Variants in SOS1 observed in about 807,000 individuals in gnomAD.
SOS1 encodes SOS Ras/Rac guanine nucleotide exchange factor 1.
A neutral mutation model predicts 157.6 loss-of-function variants in SOS1; 25 were observed. The ratio of observed to expected loss-of-function variants is 0.16; its 90% CI spans 0.12 to 0.22. The LOEUF (loss-of-function observed/expected upper bound fraction) is 0.22. Among genes scored for constraint, SOS1 ranks in the 10% least tolerant of loss-of-function variants. SOS1 has a pLI of 1.00. For synonymous variants in SOS1, 528 were observed against 534.0 expected (o/e 0.99, Z 0.16); for missense variants, 1,237 against 1,599.1 (o/e 0.77, Z 3.86).
At chr2:39,057,834 C>T (rs1682534766) in intron 3 of SOS1, among the ~76,000 whole-genome samples, 1 of 152,026 alleles carries the variant, frequency 6.6e-6, no homozygotes, top group Admixed American at 6.5e-5. Context: ...CAACCTTAAA[C>T]TCATTCAAGT....
rs1243379753 is a variant in SOS1, at chr2:39,120,685, G to A, written c.-263C>T. On this transcript the variant is annotated 5_prime_UTR_variant, in exon 1 of 23. Transcript: ENST00000402219. ...CGGCATCCCGCACCACCGCCCCGGGGCCAGGCCCCCCGCCCCTCCCCGGCC... is the reference window on the plus strand; with the variant it reads ...CGGCATCCCGCACCACCGCCCCGGGACCAGGCCCCCCGCCCCTCCCCGGCC... 6.8e-6 allele frequency among the ~76,000 whole-genome samples: 1 copy of A among 146,716 alleles called. No individual in the cohort carries two copies. The highest frequency in any genetic ancestry group is 6.8e-5 in the Admixed American group (1 of 14,782).
rs1488212383 is a variant in SOS1 at position 39,108,838 on chromosome 2, A to T, written c.87+11498T>A. Among the ~76,000 whole-genome samples, 3 of 151,966 alleles carry T rather than the reference A, an allele frequency of 2.0e-5. No homozygotes were observed. In the East Asian group the frequency reaches 5.8e-4, roughly 29 times the overall value. Reference sequence around the variant, plus strand: ...AGCCTAGAGGTTCAAGGTTACAGTGAGCTATGATTATGCCACTGCACCCCA... The same window carrying T: ...AGCCTAGAGGTTCAAGGTTACAGTGTGCTATGATTATGCCACTGCACCCCA... On this transcript the variant is annotated intron_variant, in intron 1 of 22. Coordinates refer to ENST00000402219, the MANE Select transcript of SOS1 (RefSeq NM_005633.4).
At chr2:39,058,253 C>G (rs953362720) in intron 3 of SOS1, among the ~76,000 whole-genome samples, 1 of 151,968 alleles carries the variant, frequency 6.6e-6, no homozygotes, top group Non-Finnish European at 1.5e-5. Context: ...TTTAGGTTAT[C>G]TTTTTGTTCC....
Position 39,107,625 on chromosome 2 carries a change from CAATGACA to C in SOS1, c.87+12704_87+12710del, listed in dbSNP as rs1221727088. On this transcript the variant is annotated intron_variant, in intron 1 of 22. Transcript: ENST00000402219. ...GCTTCTAAGAGGTCCTGGACTAATA[CAATGACA>C]AAGGCTCCCCTTGAAGCATCACACT... is the stretch of plus-strand genomic sequence containing the variant. 5.6e-5 allele frequency among the ~76,000 whole-genome samples: 7 copies of C among 125,876 alleles called. No homozygotes were observed. In the East Asian group the frequency reaches 1.6e-3, roughly 30 times the overall value. 82.6% of individuals were successfully genotyped at this position (125,876 alleles called of 152,430 possible). A position where few individuals can be genotyped will look rare whatever the true frequency, so the allele number is the denominator to read the frequency against.
At position 39,028,778 on chromosome 2, in the gene SOS1, T is replaced by G. The variant is rs533841407; in HGVS notation, c.1075-4641A>C. ...TTGTCTAACATTTGGGATATAAAAA[T>G]AAAGATCTCCATTTATTTTAAATAT... On this transcript the variant is annotated intron_variant, in intron 8 of 22. Transcript: ENST00000402219. Among the ~76,000 whole-genome samples, 6 of 152,274 alleles carry G rather than the reference T, an allele frequency of 3.9e-5. 1 individual carries two copies. The highest frequency in any genetic ancestry group is 3.9e-4 in the Admixed American group (6 of 15,298).
At chr2:39,061,403 G>T (rs1484224209) in intron 2 of SOS1, among the ~76,000 whole-genome samples, 1 of 151,796 alleles carries the variant, frequency 6.6e-6, no homozygotes, top group Admixed American at 6.6e-5. Flanking sequence ...TTTATTTTGG[G>T]GGGGAACAGG....
intron 20 of SOS1, among the ~76,000 whole-genome samples, chr2:38,990,816 A>T (rs1558457647): frequency 2.0e-5 from 3 of 152,206 alleles, no homozygotes; most frequent in African/African-American, 7.2e-5. Context: ...TTGGGGCACT[A>T]GTTGTCTTAT....
intron 1 of SOS1, among the ~76,000 whole-genome samples, chr2:39,113,911 A>C: frequency 6.6e-6 from 1 of 152,280 alleles, no homozygotes; most frequent in East Asian, 1.9e-4. Flanking sequence ...AAATAATCTG[A>C]GCAAAAAGGT....
chr2:38,995,182 G>T lies in SOS1; in HGVS notation c.3287C>A (p.Ser1096Tyr). 1 of 1,613,790 alleles carries T rather than the reference G, an allele frequency of 6.2e-7. No homozygotes were observed. Among genetic ancestry groups the T allele is most frequent in the Non-Finnish European group, 8.5e-7 (1 of 1,179,728 alleles). The change falls in exon 20 of 23, where the codon TCC becomes TAC. Residue 1096 changes from serine (S) to tyrosine (Y), a missense_variant. By Grantham distance (144) the Ser-to-Tyr change is moderately radical. Transcript: ENST00000402219. ...TACACTGCAAACATCTGTGGTACTG[G>T]AAGCACCAGAAGCAGGCGGAGGTGT... Reference protein sequence around the residue: ...PLTPPPASGASSTTDVCSVFD... With the variant: ...PLTPPPASGAYSTTDVCSVFD...
At chr2:39,083,059 G>A (rs1272066449) in intron 1 of SOS1, among the ~76,000 whole-genome samples, 2 of 152,128 alleles carry the variant, frequency 1.3e-5, no homozygotes, top group Non-Finnish European at 2.9e-5. Context: ...ATTGGTTTTT[G>A]TTTATATAAA....
chr2:39,086,365 G>C (rs547186701), intron 1 of SOS1, among the ~76,000 whole-genome samples: 2 of 152,258 alleles, frequency 1.3e-5, no homozygotes, highest in African/African-American at 4.8e-5. Context: ...GCATATACTA[G>C]GATAAGGAAT....
Position 38,984,068 on chromosome 2 carries a change from C to G in SOS1, c.*1756G>C, listed in dbSNP as rs962963730. The G allele has an allele frequency of 6.6e-6, 1 of 152,048 alleles. No homozygotes were observed. The highest frequency in any genetic ancestry group is 2.4e-5 in the African/African-American group (1 of 41,426). 9.4% of individuals were successfully genotyped at this position (152,048 alleles called of 1,614,324 possible). A position where few individuals can be genotyped will look rare whatever the true frequency, so the allele number is the denominator to read the frequency against. ...GTACTATCGTGATGTACATTTTATG[C>G]TCTAATAAATATCATAGGAAATTAT... is the stretch of plus-strand genomic sequence containing the variant. On this transcript the variant is annotated 3_prime_UTR_variant, in exon 23 of 23. Coordinates refer to ENST00000402219, the MANE Select transcript of SOS1 (RefSeq NM_005633.4).
At chr2:39,049,466 T>C (rs1195738420) in intron 6 of SOS1, among the ~76,000 whole-genome samples, 1 of 152,240 alleles carries the variant, frequency 6.6e-6, no homozygotes, top group Admixed American at 6.5e-5. Flanking sequence ...TCTTTATAAA[T>C]GGATCATATT....
intron 3 of SOS1, among the ~76,000 whole-genome samples, chr2:39,057,258 T>C (rs1040308106): frequency 6.6e-6 from 1 of 152,160 alleles, no homozygotes; most frequent in African/African-American, 2.4e-5. Flanking sequence ...ATATTATTGG[T>C]ATCTAGGAAT....
chr2:39,030,994 C>T (rs1670140487), intron 8 of SOS1, among the ~76,000 whole-genome samples: 1 of 151,980 alleles, frequency 6.6e-6, no homozygotes, highest in South Asian at 2.1e-4. Flanking sequence ...CGCTGGGGTC[C>T]ACCAGAAGCT....
At chr2:39,117,495 A>C (rs1181479554) in intron 1 of SOS1, among the ~76,000 whole-genome samples, 1 of 152,198 alleles carries the variant, frequency 6.6e-6, no homozygotes, top group Non-Finnish European at 1.5e-5. Flanking sequence ...GGACTGGCTA[A>C]AGCAAAAAGG....
In SOS1 at chr2:39,013,943, T is replaced by C. The variant is rs730881024; in HGVS notation, c.1987A>G (p.Ile663Val). 1.1e-5 allele frequency: 18 copies of C among 1,603,518 alleles called. No homozygotes were observed. The highest frequency in any genetic ancestry group is 1.5e-5 in the Non-Finnish European group (18 of 1,170,980). ...CTCAAGGGTTGATCTCCATTCTCTATAGCTATGCGATCAGCTTCTGTTGGC... is the reference window on the plus strand; with the variant it reads ...CTCAAGGGTTGATCTCCATTCTCTACAGCTATGCGATCAGCTTCTGTTGGC... Reference protein sequence around the residue: ...PEPTEADRIAIENGDQPLSAE... With the variant: ...PEPTEADRIAVENGDQPLSAE... The change falls in exon 12 of 23, where the codon ATA becomes GTA. Residue 663 changes from isoleucine to valine, a missense_variant. This residue lies in a region of SOS1 where 55 missense variants were observed against 43.1 expected (regional missense o/e 1.27). Coordinates refer to ENST00000402219, the MANE Select transcript of SOS1 (RefSeq NM_005633.4).
chr2:39,100,380 A>G (rs1672922929), intron 1 of SOS1, among the ~76,000 whole-genome samples: 1 of 152,238 alleles, frequency 6.6e-6, no homozygotes, highest in South Asian at 2.1e-4. Context: ...AGTATTAGTC[A>G]CAATAGCCAA....
In SOS1 at chr2:39,023,066, T is replaced by C. The variant is rs1047412627; in HGVS notation, c.1362A>G (p.Gly454=). The change falls in exon 10 of 23, where the codon GGA becomes GGG. Residue 454 remains glycine (G), a synonymous_variant. Coordinates refer to ENST00000402219, the MANE Select transcript of SOS1 (RefSeq NM_005633.4). ...GAAATATGTGTCTCTCATGTTTGGC[T>C]CCTACACGTGTAAGAGTTCCTTCCA... ...FIMEGTLTRV[G]AKHERHIFLF... is the part of the protein sequence containing the mutation. 5.0e-6 allele frequency: 8 copies of C among 1,613,842 alleles called. No individual in the cohort carries two copies. Among genetic ancestry groups the C allele is most frequent in the Non-Finnish European group, 6.8e-6 (8 of 1,179,788 alleles).
Sources: allele counts gnomAD v4.1 joint callset (sites outside exome capture counted in the v4.1 genomes callset), GRCh38; gene constraint gnomAD v4.1.1; regional missense constraint gnomAD v4.1.1; transcripts MANE v1.5; gene names NCBI Gene and HGNC (gene_info 2026-07-23, HGNC 2026-07-21).